ADAMTS12: variants seen among roughly 807,000 people sequenced by gnomAD.
The protein encoded by ADAMTS12 is ADAM metallopeptidase with thrombospondin type 1 motif 12, also known as A disintegrin and metalloproteinase with thrombospondin motifs 12.
A neutral mutation model predicts 167.8 loss-of-function variants in ADAMTS12; 118 were observed. That is an observed-to-expected ratio of 0.70 (90% CI 0.61 to 0.82). ADAMTS12 has a LOEUF of 0.82. ADAMTS12 is among the 40% of genes least tolerant of loss of function. The probability of loss-of-function intolerance (pLI) is 0.00; values close to 1 mark genes in which losing one functional copy is unlikely to be tolerated. For synonymous variants in ADAMTS12, 704 were observed against 716.9 expected, an observed-to-expected ratio of 0.98 and a Z score of 0.29; for missense variants, 1,916 against 1,998.8, an observed-to-expected ratio of 0.96 and a Z score of 0.79.
intron 2 of ADAMTS12, among the ~76,000 whole-genome samples, chr5:33,753,522 G>T (rs1172411239): frequency 6.6e-6 from 1 of 152,118 alleles, no homozygotes; most frequent in Non-Finnish European, 1.5e-5. Flanking sequence ...AGAAGTCCAG[G>T]AGTCCTCAAA....
At chr5:33,624,083 T>C in intron 14 of ADAMTS12, 148 bp downstream of exon 14, 1 of 1,243,430 alleles carries the variant, frequency 8.0e-7, no homozygotes. Context: ...CCTTCCTCCT[T>C]TGTGGTAAAG....
At chr5:33,699,629 T>C (rs1263941037) in intron 3 of ADAMTS12, among the ~76,000 whole-genome samples, 1 of 152,160 alleles carries the variant, frequency 6.6e-6, no homozygotes, top group Non-Finnish European at 1.5e-5. Flanking sequence ...AGCTCTAAAA[T>C]TGATTTTGGT....
chr5:33,769,376 GA>G (rs1745661531), intron 2 of ADAMTS12, among the ~76,000 whole-genome samples: 1 of 152,184 alleles, frequency 6.6e-6, no homozygotes, highest in Non-Finnish European at 1.5e-5. Flanking sequence ...GTGCCAACCA[GA>G]ATTGGGTGCC....
At position 33,881,122 on chromosome 5, in the gene ADAMTS12, T is replaced by A; in HGVS notation, c.486A>T (p.Gly162=). The change falls in exon 2 of 24, where the codon GGA becomes GGT. Residue 162 remains glycine (G), a synonymous_variant. Transcript: ENST00000504830. Reference sequence around the variant, plus strand: ...AGATGCCAGAGCCCACACTCACCAGTCCATGGCAGGCACTGAGGGCTGCCG... The same window carrying A: ...AGATGCCAGAGCCCACACTCACCAGACCATGGCAGGCACTGAGGGCTGCCG... ...VGTAALSACH[G]LTGFFQLPHG... 1 of 1,612,914 alleles carries A rather than the reference T, an allele frequency of 6.2e-7. No individual in the cohort carries two copies. Among genetic ancestry groups the A allele is most frequent in the Non-Finnish European group, 8.5e-7 (1 of 1,179,816 alleles).
At chr5:33,857,366 T>C (rs562657349) in intron 2 of ADAMTS12, among the ~76,000 whole-genome samples, 1 of 151,656 alleles carries the variant, frequency 6.6e-6, no homozygotes, top group Non-Finnish European at 1.5e-5. Flanking sequence ...TTGTTAACAA[T>C]ACTGAAGTGT....
At chr5:33,819,393 T>C (rs1433420658) in intron 2 of ADAMTS12, among the ~76,000 whole-genome samples, 3 of 152,136 alleles carry the variant, frequency 2.0e-5, no homozygotes, top group Non-Finnish European at 4.4e-5. Flanking sequence ...TTAGGATTTA[T>C]TTCTAGGCAC....
At chr5:33,531,294 A>G in intron 23 of ADAMTS12, among the ~76,000 whole-genome samples, 1 of 152,236 alleles carries the variant, frequency 6.6e-6, no homozygotes, top group Non-Finnish European at 1.5e-5. Flanking sequence ...CTAGTTTATT[A>G]TAATTTGTTA....
chr5:33,644,937 A>G (rs950720884), intron 9 of ADAMTS12, among the ~76,000 whole-genome samples: 1 of 152,040 alleles, frequency 6.6e-6, no homozygotes, highest in African/African-American at 2.4e-5. Flanking sequence ...TCACAGTGTT[A>G]GCCAGGATGG....
At chr5:33,640,962 A>G (rs1258144193) in intron 11 of ADAMTS12, among the ~76,000 whole-genome samples, 1 of 151,780 alleles carries the variant, frequency 6.6e-6, no homozygotes, top group Non-Finnish European at 1.5e-5. Flanking sequence ...ATTGAGAGAT[A>G]AAATCACTTT....
chr5:33,704,387 T>A (rs893508665), intron 3 of ADAMTS12, among the ~76,000 whole-genome samples: 3 of 152,332 alleles, frequency 2.0e-5, no homozygotes, highest in African/African-American at 7.2e-5. Flanking sequence ...CTGGATTAAA[T>A]GGTAATTCTA....
intron 19 of ADAMTS12, among the ~76,000 whole-genome samples, chr5:33,566,736 T>C (rs1261166976): frequency 6.6e-6 from 1 of 152,158 alleles, no homozygotes; most frequent in Non-Finnish European, 1.5e-5. Flanking sequence ...TCCTTTTTCT[T>C]CTTCTGGGCA....
intron 3 of ADAMTS12, among the ~76,000 whole-genome samples, chr5:33,712,964 G>T (rs938429166): frequency 6.6e-6 from 1 of 152,018 alleles, no homozygotes. Flanking sequence ...TGTATAGCTT[G>T]GCCACATTTT....
In ADAMTS12 at chr5:33,549,457, G is replaced by A. The variant is rs979861053; in HGVS notation, c.4126-74C>T. 7.9e-6 allele frequency: 12 copies of A among 1,518,086 alleles called. No homozygotes were observed. The African/African-American group carries it at 1.6e-4, about 21-fold the overall frequency. 94.0% of individuals were successfully genotyped at this position (1,518,086 alleles called of 1,614,324 possible). A position where few individuals can be genotyped will look rare whatever the true frequency, so the allele number is the denominator to read the frequency against. ...GCCTCCCTTCCTTCCCCTCAGCCGT[G>A]GAGGCGCCAGGCATTCAGTCATAAA... is the stretch of plus-strand genomic sequence containing the variant. On this transcript the variant is annotated intron_variant, in intron 20 of 23. Coordinates refer to ENST00000504830, the MANE Select transcript of ADAMTS12 (RefSeq NM_030955.4).
intron 16 of ADAMTS12, among the ~76,000 whole-genome samples, chr5:33,608,544 T>C (rs1460499757): frequency 6.6e-6 from 1 of 152,168 alleles, no homozygotes; most frequent in East Asian, 1.9e-4. Flanking sequence ...GAGATGCAGT[T>C]CCTTTGACTC....
rs1312019213 is a variant in ADAMTS12 at position 33,718,395 on chromosome 5, C to T, written c.634+33009G>A. 2.0e-5 allele frequency among the ~76,000 whole-genome samples: 3 copies of T among 152,162 alleles called. No individual in the cohort carries two copies. In the East Asian group the frequency reaches 5.8e-4, roughly 29 times the overall value. On this transcript the variant is annotated intron_variant, in intron 3 of 23. Transcript: ENST00000504830. ...TGAAGTGGCAGATGAGCAAGCATTACCATCTGAGCTCTGCCTCCTATCAGA... is the reference window on the plus strand; with the variant it reads ...TGAAGTGGCAGATGAGCAAGCATTATCATCTGAGCTCTGCCTCCTATCAGA...
At chr5:33,687,253 T>C (rs894321348) in intron 3 of ADAMTS12, among the ~76,000 whole-genome samples, 36 of 152,238 alleles carry the variant, frequency 2.4e-4, no homozygotes, top group Admixed American at 5.9e-4. Context: ...AAACCTACAT[T>C]AAGCACTTAT....
intron 10 of ADAMTS12, among the ~76,000 whole-genome samples, chr5:33,642,767 G>A (rs536898343): frequency 6.6e-6 from 1 of 152,198 alleles, no homozygotes; most frequent in Admixed American, 6.5e-5. Flanking sequence ...TGGCCACTGT[G>A]TATTTTGCCC....
chr5:33,762,832 A>G (rs1229841564), intron 2 of ADAMTS12, among the ~76,000 whole-genome samples: 2 of 152,188 alleles, frequency 1.3e-5, no homozygotes, highest in African/African-American at 4.8e-5. Flanking sequence ...AGGATAGCAC[A>G]GGGAGAAAAG....
chr5:33,675,720 A>G (rs1741877511), intron 5 of ADAMTS12, among the ~76,000 whole-genome samples: 1 of 152,218 alleles, frequency 6.6e-6, no homozygotes. Flanking sequence ...GAAAGCTGTA[A>G]TTGAGCACAT....
Sources: gnomAD v4.1 joint callset for allele counts (sites outside exome capture counted in the v4.1 genomes callset) on GRCh38, gnomAD v4.1.1 for gene constraint, MANE v1.5 for transcripts, NCBI Gene and HGNC (gene_info 2026-07-23, HGNC 2026-07-21) for gene names.